SGCZ: variants seen among roughly 807,000 people sequenced by gnomAD.
SGCZ encodes the protein sarcoglycan zeta, also known as zeta-sarcoglycan.
In SGCZ, 40 loss-of-function variants were observed where a neutral mutation model predicts 41.3. The observed-to-expected ratio is 0.97, with a 90% CI of 0.75 to 1.26. The LOEUF is 1.26. SGCZ is among the 50% of genes most tolerant of loss of function. The pLI, the probability that SGCZ is intolerant of heterozygous loss-of-function variation, is 0.00. For synonymous variants in SGCZ, 206 were observed against 137.5 expected (o/e 1.50, Z -3.49); for missense variants, 552 against 369.8 (o/e 1.49, Z -4.04).
rs900390382 is a variant in SGCZ at position 14,280,953 on chromosome 8, T to C, written c.336+43150A>G. 4.0e-5 allele frequency among the ~76,000 whole-genome samples: 6 copies of C among 148,888 alleles called. No individual in the cohort carries two copies. In the South Asian group the frequency reaches 1.3e-3, roughly 32 times the overall value. On this transcript the variant is annotated intron_variant, in intron 3 of 7. Transcript: ENST00000382080. The stretch of plus-strand genomic sequence containing the variant: ...ACCGGGTGAATAAAAGTGTTTTTTC[T>C]AATTTGATAACCATATCCTTTCTGA...
At chr8:14,511,225 CTG>C (rs1491212733) in intron 2 of SGCZ, among the ~76,000 whole-genome samples, 621 of 1,768 alleles carry the variant, frequency 0.35, 9 homozygotes, top group African/African-American at 0.4. Flanking sequence ...TTGGCAGTCC[CTG>C]TAGGGAAAGC....
At chr8:14,420,786 T>C (rs921694199) in intron 2 of SGCZ, among the ~76,000 whole-genome samples, 6 of 152,118 alleles carry the variant, frequency 3.9e-5, no homozygotes, top group African/African-American at 1.4e-4. Flanking sequence ...TCACTTCTTT[T>C]CCCACTTAAT....
intron 1 of SGCZ, among the ~76,000 whole-genome samples, chr8:15,044,928 G>C (rs1804246037): frequency 6.6e-6 from 1 of 151,924 alleles, no homozygotes; most frequent in Admixed American, 6.6e-5. Flanking sequence ...AAATTATGAT[G>C]GTTTTGTTTG....
chr8:14,341,642 C>G (rs986273670), intron 2 of SGCZ, among the ~76,000 whole-genome samples: 4 of 152,138 alleles, frequency 2.6e-5, no homozygotes, highest in Admixed American at 2.6e-4. Context: ...TGAATTGTAT[C>G]TCCCAGAATT....
chr8:14,417,047 C>A (rs375765399), intron 2 of SGCZ, among the ~76,000 whole-genome samples: 5 of 151,706 alleles, frequency 3.3e-5, no homozygotes, highest in African/African-American at 1.2e-4. Flanking sequence ...CTTTGAAATA[C>A]CTAAAGAAGA....
chr8:14,293,612 A>G (rs971341991), intron 3 of SGCZ, among the ~76,000 whole-genome samples: 5 of 151,950 alleles, frequency 3.3e-5, no homozygotes, highest in Non-Finnish European at 5.9e-5. Flanking sequence ...AAGCTCAAAA[A>G]TTCTCCAATC....
At chr8:14,747,880 T>A (rs1202872463) in intron 1 of SGCZ, among the ~76,000 whole-genome samples, 1 of 59,568 alleles carries the variant, frequency 1.7e-5, no homozygotes, top group African/African-American at 4.7e-5. Context: ...AACTGACTAA[T>A]TTTTTTTTTT....
intron 1 of SGCZ, among the ~76,000 whole-genome samples, chr8:14,949,577 G>C (rs988464343): frequency 6.6e-6 from 1 of 152,042 alleles, no homozygotes; most frequent in African/African-American, 2.4e-5. Context: ...ATCTTGGCAT[G>C]AATTGAGCAC....
At chr8:15,172,155 T>TTTTTTTTTTATTTA (rs1563164653) in intron 1 of SGCZ, among the ~76,000 whole-genome samples, 3 of 59,284 alleles carry the variant, frequency 5.1e-5, no homozygotes, top group East Asian at 4.3e-4. Context: ...TTATACTCTG[T>TTTTTTTTTTATTTA]TTTTTTTTTT....
At chr8:14,797,636 G>A (rs940988908) in intron 1 of SGCZ, among the ~76,000 whole-genome samples, 4 of 152,190 alleles carry the variant, frequency 2.6e-5, no homozygotes, top group Non-Finnish European at 1.5e-5. Flanking sequence ...AAGTGACAAG[G>A]AGCTGAATGT....
intron 1 of SGCZ, among the ~76,000 whole-genome samples, chr8:14,858,574 C>T (rs1803619348): frequency 6.6e-6 from 1 of 152,094 alleles, no homozygotes; most frequent in Non-Finnish European, 1.5e-5. Flanking sequence ...TTTGATATTA[C>T]AATGAAAGCC....
intron 4 of SGCZ, among the ~76,000 whole-genome samples, chr8:14,183,480 A>C (rs1385584044): frequency 6.6e-6 from 1 of 152,194 alleles, no homozygotes; most frequent in Non-Finnish European, 1.5e-5. Flanking sequence ...TTTTGCTGAT[A>C]AAATAAAAAT....
At chr8:14,906,255 GAGGATCATAAT>G (rs1799118236) in intron 1 of SGCZ, among the ~76,000 whole-genome samples, 2 of 152,236 alleles carry the variant, frequency 1.3e-5, no homozygotes, top group Admixed American at 6.5e-5. Context: ...TGGAAAATAT[GAGGATCATAAT>G]AGCTTTGTAG....
chr8:14,284,015 G>T (rs551459897), intron 3 of SGCZ, among the ~76,000 whole-genome samples: 8 of 152,220 alleles, frequency 5.3e-5, no homozygotes, highest in Admixed American at 1.3e-4. Flanking sequence ...GTAAATTTAA[G>T]ATTTCTTAAT....
chr8:15,199,021 G>C (rs1800817663), intron 1 of SGCZ, among the ~76,000 whole-genome samples: 1 of 152,092 alleles, frequency 6.6e-6, no homozygotes, highest in East Asian at 1.9e-4. Flanking sequence ...CCATATGAGA[G>C]TATTAATACA....
intron 1 of SGCZ, among the ~76,000 whole-genome samples, chr8:14,800,541 A>T (rs1203372609): frequency 6.6e-6 from 1 of 152,132 alleles, no homozygotes; most frequent in Non-Finnish European, 1.5e-5. Context: ...GCCTGGTGGA[A>T]GGTGATTAAG....
At chr8:14,792,852 C>A (rs901982531) in intron 1 of SGCZ, among the ~76,000 whole-genome samples, 1 of 152,048 alleles carries the variant, frequency 6.6e-6, no homozygotes, top group African/African-American at 2.4e-5. Context: ...TAGGGCCTTG[C>A]TCCCAGCCTT....
chr8:14,237,948 T>C (rs1237569025), intron 3 of SGCZ, among the ~76,000 whole-genome samples: 1 of 152,204 alleles, frequency 6.6e-6, no homozygotes, highest in African/African-American at 2.4e-5. Context: ...ACATCAACGG[T>C]GTAGTAACCC....
chr8:14,763,153 C>G (rs1207529951), intron 1 of SGCZ, among the ~76,000 whole-genome samples: 1 of 152,116 alleles, frequency 6.6e-6, no homozygotes, highest in Non-Finnish European at 1.5e-5. Context: ...CCTCTATAGT[C>G]AGATACTGGT....
Sources: allele counts gnomAD v4.1 joint callset (sites outside exome capture counted in the v4.1 genomes callset), GRCh38; gene constraint gnomAD v4.1.1; transcripts MANE v1.5; gene names NCBI Gene and HGNC (gene_info 2026-07-23, HGNC 2026-07-21).